Variants in ZNF385D observed in about 807,000 individuals in gnomAD.
The protein encoded by ZNF385D is zinc finger protein 659.
ZNF385D carries 15 observed loss-of-function variants against 35.8 expected under a neutral mutation model. The observed-to-expected ratio is 0.42, with a 90% CI of 0.28 to 0.64. The LOEUF is 0.64. Ranked by LOEUF, ZNF385D falls within the 30% of genes least tolerant of loss-of-function variation. The pLI is 0.23. For missense variants in ZNF385D, 474 were observed against 494.6 expected (o/e 0.96, Z 0.39); for synonymous variants, 212 against 186.8 (o/e 1.13, Z -1.10).
chr3:21,637,754 C>T (rs2065489881), intron 2 of ZNF385D, among the ~76,000 whole-genome samples: 1 of 152,080 alleles, frequency 6.6e-6, no homozygotes. Flanking sequence ...ATTCTTCTGG[C>T]TTTTCCTCCC....
chr3:21,681,042 C>T (rs1325669338), intron 1 of ZNF385D, among the ~76,000 whole-genome samples: 1 of 151,958 alleles, frequency 6.6e-6, no homozygotes, highest in African/African-American at 2.4e-5. Flanking sequence ...TTGCCCTTAG[C>T]TACATTTACA....
At chr3:21,989,119 T>C (rs950231787) in intron 3 of ZNF385D, among the ~76,000 whole-genome samples, 1 of 152,162 alleles carries the variant, frequency 6.6e-6, no homozygotes, top group African/African-American at 2.4e-5. Context: ...GTCTTCTGCG[T>C]CGCTCACGCT....
At chr3:22,353,903 T>C (rs1696030862) in intron 2 of ZNF385D, among the ~76,000 whole-genome samples, 1 of 152,154 alleles carries the variant, frequency 6.6e-6, no homozygotes, top group Admixed American at 6.6e-5. Flanking sequence ...GAAATCATTG[T>C]TGATCTCCCT....
At chr3:21,938,077 G>T (rs528050681) in intron 3 of ZNF385D, among the ~76,000 whole-genome samples, 1 of 152,086 alleles carries the variant, frequency 6.6e-6, no homozygotes, top group Admixed American at 6.6e-5. Flanking sequence ...ATATTCAACC[G>T]AACAGAATCC....
chr3:21,578,522 A>T (rs889261659), intron 2 of ZNF385D, among the ~76,000 whole-genome samples: 1 of 152,154 alleles, frequency 6.6e-6, no homozygotes, highest in African/African-American at 2.4e-5. Flanking sequence ...GGGGAGAGAT[A>T]GGGGGTCTAG....
chr3:22,150,755 CATAT>C (rs371058778), intron 3 of ZNF385D, among the ~76,000 whole-genome samples: 1 of 151,872 alleles, frequency 6.6e-6, no homozygotes, highest in African/African-American at 2.4e-5. Context: ...AAAATTTAAA[CATAT>C]ATATATAATT....
intron 3 of ZNF385D, among the ~76,000 whole-genome samples, chr3:21,767,412 T>C (rs941642618): frequency 3.3e-5 from 5 of 152,094 alleles, no homozygotes; most frequent in Admixed American, 1.3e-4. Context: ...ATTTCTTCTA[T>C]AGCATTTCAT....
At chr3:21,913,224 G>A (rs1700048063) in intron 3 of ZNF385D, among the ~76,000 whole-genome samples, 1 of 152,122 alleles carries the variant, frequency 6.6e-6, no homozygotes, top group Non-Finnish European at 1.5e-5. Context: ...GGTCAGAGAA[G>A]GAACAGTGTC....
At chr3:21,704,342 C>G (rs2067817299) in intron 1 of ZNF385D, among the ~76,000 whole-genome samples, 1 of 152,056 alleles carries the variant, frequency 6.6e-6, no homozygotes, top group Non-Finnish European at 1.5e-5. Flanking sequence ...TTTATGTGTA[C>G]TTGCAACATA....
At chr3:21,499,332 T>C (rs529468364) in intron 4 of ZNF385D, among the ~76,000 whole-genome samples, 1 of 152,170 alleles carries the variant, frequency 6.6e-6, no homozygotes, top group East Asian at 1.9e-4. Flanking sequence ...TTTGCAGCAA[T>C]GTGGATGGAG....
At chr3:22,238,779 C>T (rs1699331473) in intron 2 of ZNF385D, among the ~76,000 whole-genome samples, 1 of 150,778 alleles carries the variant, frequency 6.6e-6, no homozygotes, top group Admixed American at 6.6e-5. Flanking sequence ...GTCACCCAGA[C>T]TGAGGTATAG....
chr3:22,275,544 G>A (rs996172276), intron 2 of ZNF385D, among the ~76,000 whole-genome samples: 9 of 152,044 alleles, frequency 5.9e-5, no homozygotes, highest in African/African-American at 1.9e-4. Flanking sequence ...TAATCCTGGA[G>A]TCATAGACTT....
intron 3 of ZNF385D, among the ~76,000 whole-genome samples, chr3:22,153,334 G>C (rs1415767815): frequency 6.6e-6 from 1 of 152,070 alleles, no homozygotes; most frequent in African/African-American, 2.4e-5. Flanking sequence ...ATTGTCCACA[G>C]AGCCAGATCC....
intron 2 of ZNF385D, among the ~76,000 whole-genome samples, chr3:22,175,462 A>AT (rs1283752737): frequency 6.6e-6 from 1 of 152,012 alleles, no homozygotes; most frequent in Non-Finnish European, 1.5e-5. Context: ...AAATGAGAAA[A>AT]AAAAAGCTAT....
intron 3 of ZNF385D, among the ~76,000 whole-genome samples, chr3:21,877,444 A>G (rs1474722422): frequency 6.6e-6 from 1 of 152,118 alleles, no homozygotes; most frequent in African/African-American, 2.4e-5. Flanking sequence ...GTGTTAGATT[A>G]GAAGGATGAC....
chr3:22,196,784 A>G (rs1696451756), intron 2 of ZNF385D, among the ~76,000 whole-genome samples: 1 of 152,024 alleles, frequency 6.6e-6, no homozygotes, highest in Non-Finnish European at 1.5e-5. Flanking sequence ...TTTTAGTTTT[A>G]CTACACATTC....
intron 1 of ZNF385D, among the ~76,000 whole-genome samples, chr3:21,674,516 A>C (rs566127526): frequency 6.6e-6 from 1 of 152,228 alleles, no homozygotes; most frequent in Non-Finnish European, 1.5e-5. Flanking sequence ...ATAAAATGTA[A>C]ATTATAACCC....
At chr3:21,750,865 C>G (rs1317805221) in intron 1 of ZNF385D, 30 bp downstream of exon 1, 1 of 1,613,758 alleles carries the variant, frequency 6.2e-7, no homozygotes, top group Non-Finnish European at 8.5e-7. Context: ...CGGACACCCC[C>G]AGAATTACAT....
At chr3:22,197,543 C>T (rs994334550) in intron 2 of ZNF385D, among the ~76,000 whole-genome samples, 3 of 152,088 alleles carry the variant, frequency 2.0e-5, no homozygotes, top group Admixed American at 6.6e-5. Flanking sequence ...CTCCAGAAGA[C>T]GTTTGCCTCT....
Sources: gnomAD v4.1 joint callset for allele counts (sites outside exome capture counted in the v4.1 genomes callset) on GRCh38, gnomAD v4.1.1 for gene constraint, MANE v1.5 for transcripts, NCBI Gene and HGNC (gene_info 2026-07-23, HGNC 2026-07-21) for gene names.